Variants in CHL1 observed in about 807,000 individuals in gnomAD.
CHL1 encodes cell adhesion molecule L1 like.
A neutral mutation model predicts 141.9 loss-of-function variants in CHL1; 96 were observed. That is an observed-to-expected ratio of 0.68 (90% CI 0.57 to 0.80). The LOEUF is 0.80. CHL1 is among the 30% of genes least tolerant of loss of function. The pLI is 0.00. For synonymous variants in CHL1, 613 were observed against 502.2 expected, an observed-to-expected ratio of 1.22 and a Z score of -2.95; for missense variants, 1,820 against 1,457.2, an observed-to-expected ratio of 1.25 and a Z score of -4.05.
intron 16 of CHL1, among the ~76,000 whole-genome samples, chr3:378,786 C>A (rs1176393433): frequency 2.0e-5 from 3 of 152,190 alleles, no homozygotes; most frequent in Non-Finnish European, 4.4e-5. Flanking sequence ...ACCATTCCTT[C>A]TGATGAGGCT....
intron 15 of CHL1, among the ~76,000 whole-genome samples, chr3:371,905 C>A (rs190589811): frequency 1.3e-5 from 2 of 152,242 alleles, no homozygotes; most frequent in South Asian, 4.1e-4. Flanking sequence ...GCTGAAAATT[C>A]TTTTCTTTAA....
At chr3:306,727 C>T (rs1188775868) in intron 2 of CHL1, among the ~76,000 whole-genome samples, 3 of 151,632 alleles carry the variant, frequency 2.0e-5, no homozygotes, top group Admixed American at 6.6e-5. Context: ...AGTTATGAAA[C>T]AGTATAGAGA....
intron 1 of CHL1, among the ~76,000 whole-genome samples, chr3:206,871 C>A (rs1699485750): frequency 6.6e-6 from 1 of 152,220 alleles, no homozygotes; most frequent in Non-Finnish European, 1.5e-5. Context: ...TCCCTCACTT[C>A]TGGGTATTAT....
At chr3:307,531 C>G (rs1699349742) in intron 2 of CHL1, among the ~76,000 whole-genome samples, 1 of 152,138 alleles carries the variant, frequency 6.6e-6, no homozygotes, top group South Asian at 2.1e-4. Context: ...GAATGAAATC[C>G]TAAGCCTGGA....
At chr3:378,153 G>A (rs546710394) in intron 16 of CHL1, among the ~76,000 whole-genome samples, 6 of 152,032 alleles carry the variant, frequency 3.9e-5, no homozygotes, top group African/African-American at 2.4e-5. Context: ...TTCCCTACAT[G>A]TGTTAATTTG....
rs74559592 is a variant in CHL1, at chr3:245,221, C to A, written c.-95+529C>A. Among the ~76,000 whole-genome samples the A allele has an allele frequency of 9.7e-3, 1,478 of 152,162 alleles. 28 individuals carry two copies. Among genetic ancestry groups the A allele is most frequent in the Middle Eastern group, 0.041 (12 of 294 alleles). On this transcript the variant is annotated intron_variant, in intron 2 of 27. Coordinates refer to ENST00000256509, the MANE Select transcript of CHL1 (RefSeq NM_006614.4). ...TTGGAGTTTTTTCAAATTCTTTGTG[C>A]AACACCAAGCTGAATTATAACTAAT...
chr3:284,736 C>A (rs1407087574), intron 2 of CHL1, among the ~76,000 whole-genome samples: 3 of 150,952 alleles, frequency 2.0e-5, no homozygotes, highest in Admixed American at 6.6e-5. Flanking sequence ...TGGCCTGATA[C>A]ATTTAAAAGA....
chr3:362,203 T>A (rs1704329003), intron 13 of CHL1, among the ~76,000 whole-genome samples: 1 of 152,242 alleles, frequency 6.6e-6, no homozygotes, highest in African/African-American at 2.4e-5. Flanking sequence ...ATGCATGTGC[T>A]TAAGACTTTT....
At chr3:331,348 T>C (rs1701425529) in intron 5 of CHL1, among the ~76,000 whole-genome samples, 1 of 152,166 alleles carries the variant, frequency 6.6e-6, no homozygotes, top group Non-Finnish European at 1.5e-5. Context: ...TCCTCCCATC[T>C]CAGCCTTCTG....
At chr3:402,798 A>G (rs3856874) in intron 27 of CHL1, among the ~76,000 whole-genome samples, 126,069 of 152,172 alleles carry the variant, frequency 0.83, 55,584 homozygotes, top group East Asian at 1. Context: ...CAATAAAGAG[A>G]AAGAAAGAAA....
At chr3:389,878 G>T (rs974487616) in intron 20 of CHL1, among the ~76,000 whole-genome samples, 1 of 152,068 alleles carries the variant, frequency 6.6e-6, no homozygotes, top group African/African-American at 2.4e-5. Flanking sequence ...GGCATGTCTG[G>T]AGCTTTCCTA....
intron 3 of CHL1, among the ~76,000 whole-genome samples, chr3:322,813 C>G (rs1190448985): frequency 1.3e-5 from 2 of 150,830 alleles, no homozygotes; most frequent in Admixed American, 1.3e-4. Flanking sequence ...CACTACATTC[C>G]AGCCTGGCAC....
chr3:232,944 C>T (rs1574795489), intron 1 of CHL1, among the ~76,000 whole-genome samples: 1 of 151,984 alleles, frequency 6.6e-6, no homozygotes, highest in South Asian at 2.1e-4. Flanking sequence ...AATTTGTTCT[C>T]TAAGTTTAGA....
chr3:285,141 T>G (rs1480209524), intron 2 of CHL1, among the ~76,000 whole-genome samples: 1 of 152,214 alleles, frequency 6.6e-6, no homozygotes, highest in Admixed American at 6.5e-5. Flanking sequence ...ATAAGTTTCA[T>G]TATCACCTTT....
chr3:279,146 A>C (rs1696414547), intron 2 of CHL1, among the ~76,000 whole-genome samples: 1 of 152,220 alleles, frequency 6.6e-6, no homozygotes, highest in African/African-American at 2.4e-5. Flanking sequence ...TTTAGCAGTT[A>C]TTTTTATGGA....
chr3:361,234 A>C (rs1328864573), intron 12 of CHL1, among the ~76,000 whole-genome samples: 1 of 150,806 alleles, frequency 6.6e-6, no homozygotes, highest in African/African-American at 2.4e-5. Context: ...GATGGATTAA[A>C]GACTTAAACG....
At chr3:200,862 G>A (rs989512773) in intron 1 of CHL1, among the ~76,000 whole-genome samples, 9 of 152,104 alleles carry the variant, frequency 5.9e-5, no homozygotes, top group Admixed American at 2.0e-4. Flanking sequence ...CTTTATCTGA[G>A]GAAAGATTGT....
In CHL1 at chr3:240,949, G is replaced by A. The variant is rs189661302; in HGVS notation, c.-174-3664G>A. Among the ~76,000 whole-genome samples the A allele has an allele frequency of 3.9e-5, 6 of 152,196 alleles. No homozygotes were observed. In the East Asian group the frequency reaches 1.2e-3, roughly 29 times the overall value. On this transcript the variant is annotated intron_variant, in intron 1 of 27. Transcript: ENST00000256509. ...TCTGGGTTCTCTATTCTGTTCCATT[G>A]GTCTATGTGCCTAGTTTTATACAAG...
chr3:377,803 C>A lies in CHL1; in HGVS notation c.1752-15C>A. ...TGTTTTCCTTCTCATCATGTACTCA[C>A]TTTTTTTCTGATAGGATAATTATTG... On this transcript the variant is annotated splice_polypyrimidine_tract_variant and intron_variant, in intron 15 of 27. Transcript: ENST00000256509. The A allele has an allele frequency of 6.3e-7, 1 of 1,593,586 alleles. No individual in the cohort carries two copies. Among genetic ancestry groups the A allele is most frequent in the Non-Finnish European group, 8.6e-7 (1 of 1,167,154 alleles).
Sources: allele counts gnomAD v4.1 joint callset (sites outside exome capture counted in the v4.1 genomes callset), GRCh38; gene constraint gnomAD v4.1.1; transcripts MANE v1.5; gene names NCBI Gene and HGNC (gene_info 2026-07-23, HGNC 2026-07-21).